FRMD4B: variants seen among roughly 807,000 people sequenced by gnomAD.
FRMD4B encodes FERM domain-containing protein 4B.
A neutral mutation model predicts 141.5 loss-of-function variants in FRMD4B; 74 were observed. The ratio of observed to expected loss-of-function variants is 0.52; its 90% CI spans 0.43 to 0.63. The LOEUF (loss-of-function observed/expected upper bound fraction) is 0.63. Ranked by LOEUF, FRMD4B falls within the 30% of genes least tolerant of loss-of-function variation. The pLI is 0.00. For synonymous variants in FRMD4B, 506 were observed against 467.9 expected (o/e 1.08, Z -1.05); for missense variants, 1,366 against 1,253.4 (o/e 1.09, Z -1.36).
intron 2 of FRMD4B, among the ~76,000 whole-genome samples, chr3:69,393,136 A>T (rs1704414207): frequency 6.6e-6 from 1 of 152,118 alleles, no homozygotes; most frequent in African/African-American, 2.4e-5. Flanking sequence ...GTAGCTAAAT[A>T]TATCCACCAC....
chr3:69,276,755 A>T (rs1420443345), intron 5 of FRMD4B, among the ~76,000 whole-genome samples: 1 of 152,182 alleles, frequency 6.6e-6, no homozygotes, highest in Admixed American at 6.5e-5. Flanking sequence ...ACCTGAGGTC[A>T]GGAGTTCTAG....
intron 11 of FRMD4B, among the ~76,000 whole-genome samples, chr3:69,212,364 AAAAAAAAAAAAAAAAAGAAAAAAAAAAAG>A (rs2107711338): frequency 1.6e-5 from 1 of 61,882 alleles, no homozygotes; most frequent in African/African-American, 5.3e-5. Context: ...CGTCTCAAAA[AAAAAAAAAAAAAAAAAGAAAAAAAAAAAG>A]AAAAAAAAGA....
chr3:69,236,897 G>A (rs4343629), intron 7 of FRMD4B, among the ~76,000 whole-genome samples: 128,392 of 152,214 alleles, frequency 0.84, 54,340 homozygotes, highest in East Asian at 0.92. Context: ...ATTATTGCAA[G>A]TTAGTTCCGA....
Position 69,196,936 on chromosome 3 carries a change from A to T in FRMD4B, c.1056T>A (p.Ser352Arg). 1 of 1,611,842 alleles carries T rather than the reference A, an allele frequency of 6.2e-7. No individual in the cohort carries two copies. The highest frequency in any genetic ancestry group is 8.5e-7 in the Non-Finnish European group (1 of 1,177,936). ...TCCGGTCCAAGTAAAACTGATGCTGACTAATTGCCATTACCCAAATGGACT... is the reference window on the plus strand; with the variant it reads ...TCCGGTCCAAGTAAAACTGATGCTGTCTAATTGCCATTACCCAAATGGACT... ...LIKSIWVMAI[S>R]QHQFYLDRKQ... The change falls in exon 13 of 23, where the codon AGT becomes AGA. Residue 352 changes from serine to arginine, a missense_variant. Physicochemically the swap from Ser to Arg is moderately radical, Grantham distance 110 (BLOSUM62 -1). Transcript: ENST00000398540.
At chr3:69,345,829 T>G (rs1314870721) in intron 1 of FRMD4B, among the ~76,000 whole-genome samples, 1 of 152,140 alleles carries the variant, frequency 6.6e-6, no homozygotes, top group African/African-American at 2.4e-5. Flanking sequence ...AAACCCCATC[T>G]GTACGTCACC....
In FRMD4B at chr3:69,280,523, T is replaced by C. The variant is rs73838334; in HGVS notation, c.501+7229A>G. Among the ~76,000 whole-genome samples the C allele has an allele frequency of 5.9e-3, 901 of 152,196 alleles. 9 individuals carry two copies. Among genetic ancestry groups the C allele is most frequent in the African/African-American group, 0.02 (838 of 41,538 alleles). On this transcript the variant is annotated intron_variant, in intron 5 of 22. Transcript: ENST00000398540. ...TACAGAAGCACCTTATTAACTACCA[T>C]GGGCTAAGAGCATCACCATGTACAA...
At chr3:69,528,439 A>T (rs1293648628) in intron 1 of FRMD4B, among the ~76,000 whole-genome samples, 1 of 151,308 alleles carries the variant, frequency 6.6e-6, no homozygotes, top group East Asian at 1.9e-4. Context: ...ATCCTGGCTT[A>T]CTGCAGCCTT....
At chr3:69,330,596 C>T (rs1702335043) in intron 1 of FRMD4B, among the ~76,000 whole-genome samples, 1 of 151,722 alleles carries the variant, frequency 6.6e-6, no homozygotes, top group Non-Finnish European at 1.5e-5. Flanking sequence ...CTGCCCGCCT[C>T]AGCCTCCCAA....
intron 2 of FRMD4B, among the ~76,000 whole-genome samples, chr3:69,428,803 AT>A (rs888260230): frequency 6.6e-6 from 1 of 152,106 alleles, no homozygotes; most frequent in Non-Finnish European, 1.5e-5. Flanking sequence ...GAACATTTTC[AT>A]TATCTCAAAC....
At chr3:69,437,388 T>C (rs989268315) in intron 1 of FRMD4B, among the ~76,000 whole-genome samples, 3 of 150,776 alleles carry the variant, frequency 2.0e-5, no homozygotes, top group Non-Finnish European at 4.4e-5. Flanking sequence ...AATTTTTAAA[T>C]TGATAAAATG....
intron 7 of FRMD4B, among the ~76,000 whole-genome samples, chr3:69,247,283 G>A (rs999851425): frequency 3.3e-5 from 5 of 152,126 alleles, no homozygotes; most frequent in Non-Finnish European, 5.9e-5. Context: ...AGCCTTGACT[G>A]GGGCTAAGTG....
At chr3:69,510,158 G>A (rs1041533323) in intron 1 of FRMD4B, among the ~76,000 whole-genome samples, 3 of 151,916 alleles carry the variant, frequency 2.0e-5, no homozygotes, top group Non-Finnish European at 2.9e-5. Flanking sequence ...AGGGTTCTGG[G>A]ATTAAATTAC....
chr3:69,540,613 TAAAAAAAAAAAAAA>T (rs1157655761), intron 1 of FRMD4B, among the ~76,000 whole-genome samples: 1 of 14,008 alleles, frequency 7.1e-5, no homozygotes, highest in Non-Finnish European at 1.1e-4. Flanking sequence ...ACTCTGTCTC[TAAAAAAAAAAAAAA>T]AAAAAAAAAA....
intron 1 of FRMD4B, among the ~76,000 whole-genome samples, chr3:69,323,396 C>T (rs983396720): frequency 6.6e-6 from 1 of 151,394 alleles, no homozygotes; most frequent in African/African-American, 2.4e-5. Context: ...GTGAAACCCC[C>T]TCTCTACTAA....
At chr3:69,384,967 C>A (rs1704213600) in intron 1 of FRMD4B, among the ~76,000 whole-genome samples, 1 of 151,822 alleles carries the variant, frequency 6.6e-6, no homozygotes, top group African/African-American at 2.4e-5. Context: ...TATCTTTCCA[C>A]AGTAGACACC....
chr3:69,435,621 A>G (rs1705248501), intron 1 of FRMD4B, among the ~76,000 whole-genome samples: 1 of 152,176 alleles, frequency 6.6e-6, no homozygotes, highest in African/African-American at 2.4e-5. Context: ...CTGGCCCTTT[A>G]CAGAGAAAGT....
rs151224959 is a variant in FRMD4B at position 69,366,284 on chromosome 3, CA to C, written c.162+19543del. 1.6e-3 allele frequency among the ~76,000 whole-genome samples: 180 copies of C among 112,410 alleles called. 1 individual carries two copies. The highest frequency in any genetic ancestry group is 2.5e-3 in the Non-Finnish European group (127 of 51,038). 73.7% of individuals were successfully genotyped at this position (112,410 alleles called of 152,430 possible). A position where few individuals can be genotyped will look rare whatever the true frequency, so the allele number is the denominator to read the frequency against. On this transcript the variant is annotated intron_variant, in intron 1 of 22. Transcript: ENST00000398540. ...CAAAAAACAAAAACAAAAACAAAAACAAAAAAAATTGACAACAACTTAATGT... is the reference window on the plus strand; with the variant it reads ...CAAAAAACAAAAACAAAAACAAAAACAAAAAAATTGACAACAACTTAATGT...
rs1322811894 is a variant in FRMD4B at position 69,171,918 on chromosome 3, C to G, written c.3048G>C (p.Glu1016Asp). 5.6e-6 allele frequency: 9 copies of G among 1,613,080 alleles called. No individual in the cohort carries two copies. In the African/African-American group the frequency reaches 1.1e-4, roughly 19 times the overall value. ...TDGNQLEDNL[E>D]SSEQRLFWHE... ...GCCAAAAGAGTCTCTGCTCACTACT[C>G]TCCAGGTTGTCTTCCAGCTGGTTTC... Residue 1016 changes from glutamate to aspartate, a missense_variant, in exon 23 of 23, where the codon GAG becomes GAC. Transcript: ENST00000398540.
At chr3:69,461,292 C>G (rs1047496655) in intron 1 of FRMD4B, among the ~76,000 whole-genome samples, 15 of 152,228 alleles carry the variant, frequency 9.9e-5, no homozygotes, top group African/African-American at 1.7e-4. Context: ...CCTGGTGGCT[C>G]AGGCCTGCAA....
Sources: allele counts gnomAD v4.1 joint callset (sites outside exome capture counted in the v4.1 genomes callset), GRCh38; gene constraint gnomAD v4.1.1; transcripts MANE v1.5; gene names NCBI Gene and HGNC (gene_info 2026-07-23, HGNC 2026-07-21).